TNFSF4: variants seen among roughly 807,000 people sequenced by gnomAD.
The protein encoded by TNFSF4 is tumor necrosis factor ligand superfamily member 4.
A neutral mutation model predicts 7.3 loss-of-function variants in TNFSF4; 4 were observed. The observed-to-expected ratio is 0.55, with a 90% CI of 0.27 to 1.25. The LOEUF (loss-of-function observed/expected upper bound fraction) is 1.25. TNFSF4 is among the 50% of genes most tolerant of loss of function. The pLI is 0.12. For missense variants in TNFSF4, 181 were observed against 208.8 expected, an observed-to-expected ratio of 0.87 and a Z score of 0.82; for synonymous variants, 76 against 83.7, an observed-to-expected ratio of 0.91 and a Z score of 0.50.
At chr1:173,237,474 C>T in the TNFSF4 span, among the ~76,000 whole-genome samples, 6 of 152,162 alleles carry the variant, frequency 3.9e-5, no homozygotes, top group African/African-American at 1.4e-4. Flanking sequence ...ACTATCCATG[C>T]TTGCAGATGA....
chr1:173,329,911 G>A, the TNFSF4 span, among the ~76,000 whole-genome samples: 1 of 151,838 alleles, frequency 6.6e-6, no homozygotes, highest in African/African-American at 2.4e-5. Flanking sequence ...AAAAATGCCA[G>A]TGTCATCACC....
chr1:173,309,707 G>A, the TNFSF4 span, among the ~76,000 whole-genome samples: 4 of 151,580 alleles, frequency 2.6e-5, no homozygotes, highest in Non-Finnish European at 5.9e-5. Context: ...CAAATGAGTT[G>A]AGATTGTTCC....
At chr1:173,195,081 CATTT>C (rs1402291669) in intron 1 of TNFSF4, among the ~76,000 whole-genome samples, 1 of 151,982 alleles carries the variant, frequency 6.6e-6, no homozygotes, top group East Asian at 1.9e-4. Context: ...AATATTTATT[CATTT>C]GAGTTCAGGT....
the TNFSF4 span, among the ~76,000 whole-genome samples, chr1:173,177,438 A>C: frequency 1.3e-5 from 2 of 152,114 alleles, no homozygotes; most frequent in Non-Finnish European, 2.9e-5. Context: ...ACCGGGGCCT[A>C]CTTGAGGGTA....
the TNFSF4 span, among the ~76,000 whole-genome samples, chr1:173,292,061 A>G: frequency 1.3e-5 from 2 of 152,130 alleles, no homozygotes; most frequent in Non-Finnish European, 2.9e-5. Context: ...AAACGTATAA[A>G]GAAGAGCTAG....
At chr1:173,356,089 T>G in the TNFSF4 span, among the ~76,000 whole-genome samples, 1 of 152,304 alleles carries the variant, frequency 6.6e-6, no homozygotes, top group South Asian at 2.1e-4. Context: ...ATAAAATAAT[T>G]TCAGATATTG....
chr1:173,273,097 C>G, the TNFSF4 span, among the ~76,000 whole-genome samples: 3 of 152,108 alleles, frequency 2.0e-5, no homozygotes, highest in African/African-American at 4.8e-5. Flanking sequence ...GAATTTTTTC[C>G]TTGCAAATTG....
chr1:173,185,834 G>A lies in TNFSF4; in HGVS notation c.*682C>T, dbSNP rs1160311083. On this transcript the variant is annotated 3_prime_UTR_variant, in exon 3 of 3. Coordinates refer to ENST00000281834, the MANE Select transcript of TNFSF4 (RefSeq NM_003326.5). ...CACATCCCCAGACAGTTCTTTGAAG[G>A]GAAATTTCTATTAACTATGTTTGGA... 1.3e-5 allele frequency: 2 copies of A among 152,144 alleles called. No individual in the cohort carries two copies. The highest frequency in any genetic ancestry group is 4.8e-5 in the African/African-American group (2 of 41,420). The allele number at this position is 152,144 out of a possible 1,614,324, so 9.4% of individuals were successfully genotyped here.
At chr1:173,211,907 A>G (rs1230850036), upstream of TNFSF4, among the ~76,000 whole-genome samples, 1 of 152,192 alleles carries the variant, frequency 6.6e-6, no homozygotes, top group Non-Finnish European at 1.5e-5. Flanking sequence ...GTCTTAGTCT[A>G]TTTTGTGTTG....
At chr1:173,357,255 A>T in the TNFSF4 span, among the ~76,000 whole-genome samples, 10 of 152,330 alleles carry the variant, frequency 6.6e-5, no homozygotes, top group East Asian at 1.9e-3. Flanking sequence ...AGTAGATTTC[A>T]TCTCAGTATT....
the TNFSF4 span, among the ~76,000 whole-genome samples, chr1:173,265,734 A>G: frequency 6.6e-6 from 1 of 152,002 alleles, no homozygotes; most frequent in Non-Finnish European, 1.5e-5. Context: ...CTGCATCTCT[A>G]TTCATTTCAA....
chr1:173,365,184 CAAT>C, the TNFSF4 span, among the ~76,000 whole-genome samples: 3 of 151,696 alleles, frequency 2.0e-5, no homozygotes, highest in South Asian at 2.1e-4. Context: ...ACAAACACAA[CAAT>C]GATATAATCC....
At chr1:173,407,740 T>C in the TNFSF4 span, among the ~76,000 whole-genome samples, 81,794 of 142,644 alleles carry the variant, frequency 0.57, 24,018 homozygotes, top group Middle Eastern at 0.74. Context: ...CCTAGCTCTA[T>C]ACATTGAGAG....
the TNFSF4 span, among the ~76,000 whole-genome samples, chr1:173,223,811 G>T: frequency 1.3e-5 from 2 of 152,160 alleles, no homozygotes; most frequent in Non-Finnish European, 2.9e-5. Context: ...ATCACGCCTC[G>T]TATCTTGTTC....
the TNFSF4 span, among the ~76,000 whole-genome samples, chr1:173,349,759 G>A: frequency 6.6e-6 from 1 of 152,112 alleles, no homozygotes; most frequent in Non-Finnish European, 1.5e-5. Context: ...GAAACTCAGA[G>A]AATGACCAAT....
chr1:173,404,126 T>C, the TNFSF4 span, among the ~76,000 whole-genome samples: 1 of 152,158 alleles, frequency 6.6e-6, no homozygotes, highest in Admixed American at 6.5e-5. Context: ...CCCATGTCTA[T>C]TGACGCTCCA....
the TNFSF4 span, among the ~76,000 whole-genome samples, chr1:173,386,362 G>A: frequency 6.6e-6 from 1 of 152,236 alleles, no homozygotes. Flanking sequence ...GAGCTATGAA[G>A]TCACAGCTAC....
intron 1 of TNFSF4, among the ~76,000 whole-genome samples, chr1:173,205,153 G>A (rs1026170943): frequency 6.6e-6 from 1 of 152,098 alleles, no homozygotes; most frequent in African/African-American, 2.4e-5. Flanking sequence ...TTAACATCAA[G>A]TGAAGAACTT....
chr1:173,406,793 G>T, the TNFSF4 span, among the ~76,000 whole-genome samples: 6 of 152,148 alleles, frequency 3.9e-5, no homozygotes, highest in Non-Finnish European at 5.9e-5. Flanking sequence ...TTACTCAAAG[G>T]AGCTGATCAA....
Sources: gnomAD v4.1 joint callset for allele counts (sites outside exome capture counted in the v4.1 genomes callset) on GRCh38, gnomAD v4.1.1 for gene constraint, MANE v1.5 for transcripts, NCBI Gene and HGNC (gene_info 2026-07-23, HGNC 2026-07-21) for gene names.